Variants in SUSD4 observed in about 807,000 individuals in gnomAD.
The protein encoded by SUSD4 is sushi domain containing 4.
In SUSD4, 41 loss-of-function variants were observed where a neutral mutation model predicts 50.5. That is an observed-to-expected ratio of 0.81 (90% CI 0.63 to 1.05). The LOEUF (loss-of-function observed/expected upper bound fraction) is 1.05. Among genes scored for constraint, SUSD4 ranks in the 50% least tolerant of loss-of-function variants. SUSD4 has a pLI of 0.00. For missense variants in SUSD4, 580 were observed against 634.7 expected (o/e 0.91, Z 0.93); for synonymous variants, 257 against 257.3 (o/e 1.00, Z 0.01).
intron 3 of SUSD4, among the ~76,000 whole-genome samples, chr1:223,287,083 G>A (rs1664194142): frequency 6.6e-6 from 1 of 152,146 alleles, no homozygotes; most frequent in Non-Finnish European, 1.5e-5. Context: ...TTGTTTGTTT[G>A]CTTTTGTTTT....
At chr1:223,278,476 C>A (rs1452196945) in intron 3 of SUSD4, among the ~76,000 whole-genome samples, 2 of 152,190 alleles carry the variant, frequency 1.3e-5, no homozygotes, top group African/African-American at 2.4e-5. Context: ...GCTAGCACAG[C>A]AGTCTGAGAT....
At chr1:223,325,917 A>T (rs959609578) in intron 2 of SUSD4, among the ~76,000 whole-genome samples, 1 of 152,258 alleles carries the variant, frequency 6.6e-6, no homozygotes, top group African/African-American at 2.4e-5. Flanking sequence ...GATGGGAGGA[A>T]TCAATACTGT....
chr1:223,229,077 T>G lies in SUSD4; in HGVS notation c.916+120A>C. On this transcript the variant is annotated intron_variant, in intron 6 of 8. Transcript: ENST00000366878. This position sits in a 1 kb window ranked among gnomAD's most constrained non-coding sequence, Gnocchi z 4.7. ...CGACCCGCAATGATATGTTTCGATA[T>G]CCTGTTCCTGACACTGGGTGGGGGA... 9.5e-7 allele frequency: 1 copy of G among 1,052,240 alleles called. No individual in the cohort carries two copies. Among genetic ancestry groups the G allele is most frequent in the Non-Finnish European group, 1.4e-6 (1 of 728,598 alleles). 65.2% of individuals were successfully genotyped at this position (1,052,240 alleles called of 1,614,324 possible). A position where few individuals can be genotyped will look rare whatever the true frequency, so the allele number is the denominator to read the frequency against.
intron 8 of SUSD4, 138 bp from the exon 9 acceptor site, chr1:223,222,358 A>C: frequency 1.3e-6 from 1 of 743,686 alleles, no homozygotes; most frequent in Middle Eastern, 3.4e-4. Context: ...CATACCAGTT[A>C]ATAACCAAAT....
chr1:223,354,552 A>C (rs1483005958), intron 2 of SUSD4, among the ~76,000 whole-genome samples: 1 of 152,202 alleles, frequency 6.6e-6, no homozygotes, highest in African/African-American at 2.4e-5. Flanking sequence ...AGTATAATTA[A>C]AACACTTAGG....
In SUSD4 at chr1:223,307,588, C is replaced by T. The variant is rs187829393; in HGVS notation, c.149-14937G>A. ...GAGGTTTTCAATCTCTATGCAGATT[C>T]TCAAGTGCCACTGGGACTTTTGCGG... On this transcript the variant is annotated intron_variant, in intron 2 of 8. Coordinates refer to ENST00000366878, the MANE Select transcript of SUSD4 (RefSeq NM_017982.4). 2.0e-4 allele frequency among the ~76,000 whole-genome samples: 30 copies of T among 152,248 alleles called. No individual in the cohort carries two copies. In the East Asian group the frequency reaches 5.6e-3, roughly 28 times the overall value.
chr1:223,315,622 T>C (rs1469181322), intron 2 of SUSD4, among the ~76,000 whole-genome samples: 34 of 152,222 alleles, frequency 2.2e-4, no homozygotes, highest in Admixed American at 2.0e-3. Context: ...CTTCTGACTA[T>C]TAAACGCTTT....
intron 8 of SUSD4, among the ~76,000 whole-genome samples, chr1:223,222,465 A>T (rs533249953): frequency 2.1e-4 from 32 of 152,222 alleles, no homozygotes; most frequent in Non-Finnish European, 3.8e-4. Flanking sequence ...AAAATGTTAC[A>T]TTTTAACCAT....
intron 3 of SUSD4, among the ~76,000 whole-genome samples, chr1:223,273,357 T>G: frequency 6.6e-6 from 1 of 152,192 alleles, no homozygotes; most frequent in South Asian, 2.1e-4. Flanking sequence ...CCTCAAAGGG[T>G]TTCCCATATG....
chr1:223,323,188 G>A (rs540606431), intron 2 of SUSD4, among the ~76,000 whole-genome samples: 12 of 151,788 alleles, frequency 7.9e-5, no homozygotes, highest in African/African-American at 2.7e-4. Context: ...CAAAAAGGAA[G>A]GAGGAAGGAA....
At chr1:223,308,849 G>A (rs898224658) in intron 2 of SUSD4, among the ~76,000 whole-genome samples, 14 of 152,106 alleles carry the variant, frequency 9.2e-5, no homozygotes, top group African/African-American at 3.4e-4. Context: ...TACTGGAATG[G>A]CATCTTGACC....
chr1:223,273,227 A>G (rs1663034290), intron 3 of SUSD4, among the ~76,000 whole-genome samples: 1 of 152,190 alleles, frequency 6.6e-6, no homozygotes, highest in Non-Finnish European at 1.5e-5. Flanking sequence ...AGTGACCAAG[A>G]AGGGGAGGGA....
At position 223,363,333 on chromosome 1, in the gene SUSD4, G is replaced by C. The variant is rs1482445100; in HGVS notation, c.93C>G (p.Ala31=). The change falls in exon 2 of 9, where the codon GCC becomes GCG. Residue 31 remains alanine (A), a synonymous_variant. Coordinates refer to ENST00000366878, the MANE Select transcript of SUSD4 (RefSeq NM_017982.4). ...GCGCCAGCTGAAACCACAGGATCAC[G>C]GCCAAGAGTCTCTGGGGGGACTGAG... ...QQPQSPQRLL[A]VILWFQLALC... The C allele has an allele frequency of 2.5e-6, 4 of 1,610,500 alleles. No individual in the cohort carries two copies. The African/African-American group carries it at 5.3e-5, about 22-fold the overall frequency.
At chr1:223,335,654 G>A (rs1667414741) in intron 2 of SUSD4, among the ~76,000 whole-genome samples, 2 of 152,164 alleles carry the variant, frequency 1.3e-5, no homozygotes, top group African/African-American at 2.4e-5. Flanking sequence ...ACACAAGAAA[G>A]CTAGTAAAAG....
At chr1:223,314,685 GTTTAT>G (rs1666075825) in intron 2 of SUSD4, among the ~76,000 whole-genome samples, 3 of 152,132 alleles carry the variant, frequency 2.0e-5, no homozygotes, top group African/African-American at 7.2e-5. Context: ...AGATCTGATG[GTTTAT>G]AAGGGGAGTT....
intron 2 of SUSD4, among the ~76,000 whole-genome samples, chr1:223,326,480 A>C (rs1240085129): frequency 6.6e-6 from 1 of 152,138 alleles, no homozygotes; most frequent in Admixed American, 6.5e-5. Flanking sequence ...TGCAACAAAA[A>C]CAAAAATAAA....
At chr1:223,322,161 A>G (rs535624993) in intron 2 of SUSD4, among the ~76,000 whole-genome samples, 106 of 152,330 alleles carry the variant, frequency 7.0e-4, no homozygotes, top group African/African-American at 2.3e-3. Flanking sequence ...TGAGATATTT[A>G]TAACAACTGT....
At chr1:223,341,461 CCT>C (rs1303680620) in intron 2 of SUSD4, among the ~76,000 whole-genome samples, 1 of 152,010 alleles carries the variant, frequency 6.6e-6, no homozygotes, top group African/African-American at 2.4e-5. Flanking sequence ...CCACCCACCC[CCT>C]CTCTGTCCTC....
In SUSD4 at chr1:223,229,072, C is replaced by A. The variant is rs1335667055; in HGVS notation, c.916+125G>T. ...CCCATCGACCCGCAATGATATGTTT[C>A]GATATCCTGTTCCTGACACTGGGTG... On this transcript the variant is annotated intron_variant, in intron 6 of 8. Transcript: ENST00000366878. This position sits in a 1 kb window ranked among gnomAD's most constrained non-coding sequence, Gnocchi z 4.7. 3.0e-6 allele frequency: 3 copies of A among 1,008,890 alleles called. No homozygotes were observed. The highest frequency in any genetic ancestry group is 2.9e-6 in the Non-Finnish European group (2 of 692,224). 62.5% of individuals were successfully genotyped at this position (1,008,890 alleles called of 1,614,324 possible).
Sources: allele counts gnomAD v4.1 joint callset (sites outside exome capture counted in the v4.1 genomes callset), GRCh38; gene constraint gnomAD v4.1.1; non-coding constraint Gnocchi (gnomAD v3.1); transcripts MANE v1.5; gene names NCBI Gene and HGNC (gene_info 2026-07-23, HGNC 2026-07-21).